The following ADAT2 variants were observed in gnomAD, a reference collection of about 807,000 sequenced individuals.
ADAT2 encodes tRNA-specific adenosine-34 deaminase catalytic subunit ADAT2.
A neutral mutation model predicts 25.9 loss-of-function variants in ADAT2; 26 were observed. The ratio of observed to expected loss-of-function variants is 1.00; its 90% CI spans 0.74 to 1.39. ADAT2 has a LOEUF of 1.39. ADAT2 is among the 40% of genes most tolerant of loss of function. The pLI is 0.00. For missense variants in ADAT2, 220 were observed against 244.8 expected (o/e 0.90, Z 0.68); for synonymous variants, 76 against 86.8 (o/e 0.88, Z 0.69).
In ADAT2 at chr6:143,434,308, T is replaced by C. The variant is rs1253591160; in HGVS notation, c.202-327A>G. ...AACAAAGAAAAAAAGATAAAGTCTA[T>C]GGTTTCTGAATATTTCAGGGGAAGC... On this transcript the variant is annotated intron_variant, in intron 2 of 5. Transcript: ENST00000237283. The surrounding 1 kb of genome is among the most constrained non-coding windows in gnomAD (Gnocchi z 4.5). Among the ~76,000 whole-genome samples the C allele has an allele frequency of 1.3e-5, 2 of 152,234 alleles. No homozygotes were observed. Among genetic ancestry groups the C allele is most frequent in the East Asian group, 3.8e-4 (2 of 5,200 alleles).
chr6:143,445,984 T>C (rs2128743851), intron 1 of ADAT2, among the ~76,000 whole-genome samples: 1 of 151,898 alleles, frequency 6.6e-6, no homozygotes, highest in African/African-American at 2.4e-5. Flanking sequence ...CACATATGTA[T>C]AGATAGTTAG....
chr6:143,423,189 G>A lies in ADAT2; in HGVS notation c.*5274C>T, dbSNP rs9390090. 82,830 of 152,084 alleles carry A rather than the reference G, an allele frequency of 0.54. 23,190 individuals are homozygous for A. Among genetic ancestry groups the A allele is most frequent in the African/African-American group, 0.63 (26,002 of 41,484 alleles). The allele number at this position is 152,084 out of a possible 1,614,324, so 9.4% of individuals were successfully genotyped here. On this transcript the variant is annotated 3_prime_UTR_variant, in exon 6 of 6. Coordinates refer to ENST00000237283, the MANE Select transcript of ADAT2 (RefSeq NM_182503.3). ...TAAATATTTTAGGCCTTTGTGAGTCGCATGGTTTGTCACCACTGCTCAACT... is the reference window on the plus strand; with the variant it reads ...TAAATATTTTAGGCCTTTGTGAGTCACATGGTTTGTCACCACTGCTCAACT...
rs1277891589 is a variant in ADAT2 at position 143,438,589 on chromosome 6, C to T, written c.201+1G>A. 21 of 1,607,726 alleles carry T rather than the reference C, an allele frequency of 1.3e-5. No homozygotes were observed. The highest frequency in any genetic ancestry group is 1.5e-5 in the Non-Finnish European group (18 of 1,174,434). ...GCAATTATACTGCTCAACTCACATA[C>T]ATTTTTGGTTTGGTTAACTTCATTT... On this transcript the variant is annotated splice_donor_variant, in intron 2 of 5. Transcript: ENST00000237283. LOFTEE classifies it high-confidence loss of function.
intron 1 of ADAT2, among the ~76,000 whole-genome samples, chr6:143,447,271 G>A (rs1400992813): frequency 6.6e-6 from 1 of 152,120 alleles, no homozygotes. Flanking sequence ...GACACATGTG[G>A]TTAGTGGCTA....
At chr6:143,433,339 T>C (rs1038443350) in intron 3 of ADAT2, among the ~76,000 whole-genome samples, 1 of 152,212 alleles carries the variant, frequency 6.6e-6, no homozygotes, top group African/African-American at 2.4e-5. Context: ...TTACTCATTT[T>C]CCATTTACAA....
At position 143,423,684 on chromosome 6, in the gene ADAT2, T is replaced by C. The variant is rs1778844999; in HGVS notation, c.*4779A>G. ...ATGGGCAGAGTGAGGGGGTCAGTGA[T>C]TAGGAAATTACTAAGAGGAGATATC... is the stretch of plus-strand genomic sequence containing the variant. On this transcript the variant is annotated 3_prime_UTR_variant, in exon 6 of 6. Coordinates refer to ENST00000237283, the MANE Select transcript of ADAT2 (RefSeq NM_182503.3). The C allele has an allele frequency of 6.6e-6, 1 of 152,162 alleles. No individual in the cohort carries two copies. Among genetic ancestry groups the C allele is most frequent in the African/African-American group, 2.4e-5 (1 of 41,416 alleles). 9.4% of individuals were successfully genotyped at this position (152,162 alleles called of 1,614,324 possible). A position where few individuals can be genotyped will look rare whatever the true frequency, so the allele number is the denominator to read the frequency against.
In ADAT2 at chr6:143,446,705, AGT is replaced by A. The variant is rs1246705550; in HGVS notation, c.96+3856_96+3857del. Among the ~76,000 whole-genome samples, 5 of 151,780 alleles carry A rather than the reference AGT, an allele frequency of 3.3e-5. No homozygotes were observed. Among genetic ancestry groups the A allele is most frequent in the Non-Finnish European group, 7.4e-5 (5 of 67,944 alleles). ...CTAACACCGAGAGGCAGGCCAGGCC[AGT>A]ATTTAACAGCAGATGACAGGCCTCA... is the stretch of plus-strand genomic sequence containing the variant. On this transcript the variant is annotated intron_variant, in intron 1 of 5. Transcript: ENST00000237283. This position sits in a 1 kb window ranked among gnomAD's most constrained non-coding sequence, Gnocchi z 5.0.
chr6:143,431,560 A>G (rs1779116690), intron 4 of ADAT2, among the ~76,000 whole-genome samples: 1 of 152,210 alleles, frequency 6.6e-6, no homozygotes, highest in South Asian at 2.1e-4. Flanking sequence ...TTCTTTTCTG[A>G]TGTAATGTTA....
In ADAT2 at chr6:143,426,131, T is replaced by C. The variant is rs1778927705; in HGVS notation, c.*2332A>G. 1 of 152,198 alleles carries C rather than the reference T, an allele frequency of 6.6e-6. No homozygotes were observed. The highest frequency in any genetic ancestry group is 2.1e-4 in the South Asian group (1 of 4,826). The allele number at this position is 152,198 out of a possible 1,614,324, so 9.4% of individuals were successfully genotyped here. On this transcript the variant is annotated 3_prime_UTR_variant, in exon 6 of 6. Transcript: ENST00000237283. This position sits in a 1 kb window ranked among gnomAD's most constrained non-coding sequence, Gnocchi z 4.1. ...TGTATCTCACCACTTTCAGAACTAT[T>C]TTGTACACAAAACAAGTCTTTCAGC...
chr6:143,432,126 C>T lies in ADAT2; in HGVS notation c.459+379G>A, dbSNP rs1206736284. On this transcript the variant is annotated intron_variant, in intron 4 of 5. Transcript: ENST00000237283. The surrounding 1 kb of genome is among the most constrained non-coding windows in gnomAD (Gnocchi z 4.4). ...TGTGTGTGCTGTAAATAGTCTCTAGCGTCACTGACACAGGCCAAGCATCAC... is the reference window on the plus strand; with the variant it reads ...TGTGTGTGCTGTAAATAGTCTCTAGTGTCACTGACACAGGCCAAGCATCAC... Among the ~76,000 whole-genome samples, 1 of 152,166 alleles carries T rather than the reference C, an allele frequency of 6.6e-6. No individual in the cohort carries two copies. Among genetic ancestry groups the T allele is most frequent in the East Asian group, 1.9e-4 (1 of 5,196 alleles).
At chr6:143,448,514 G>A (rs1307718881) in intron 1 of ADAT2, among the ~76,000 whole-genome samples, 2 of 151,834 alleles carry the variant, frequency 1.3e-5, no homozygotes, top group Admixed American at 6.6e-5. Context: ...CAAAAAAAAA[G>A]GGTTTTCTAA....
In ADAT2 at chr6:143,426,990, T is replaced by G. The variant is rs1219344943; in HGVS notation, c.*1473A>C. 1 of 152,064 alleles carries G rather than the reference T, an allele frequency of 6.6e-6. No homozygotes were observed. The highest frequency in any genetic ancestry group is 2.4e-5 in the African/African-American group (1 of 41,360). 9.4% of individuals were successfully genotyped at this position (152,064 alleles called of 1,614,324 possible). A position where few individuals can be genotyped will look rare whatever the true frequency, so the allele number is the denominator to read the frequency against. ...AACAAACTAGTAGAAGCACTAAAAT[T>G]CAATGAGAAGATAATTTTTAAAGTG... On this transcript the variant is annotated 3_prime_UTR_variant, in exon 6 of 6. Transcript: ENST00000237283. The surrounding 1 kb of genome is among the most constrained non-coding windows in gnomAD (Gnocchi z 4.1).
At chr6:143,450,346 CAAAT>C (rs2128744658) in intron 1 of ADAT2, among the ~76,000 whole-genome samples, 1 of 152,304 alleles carries the variant, frequency 6.6e-6, no homozygotes, top group East Asian at 1.9e-4. Context: ...CGCAATGAAA[CAAAT>C]AATTTGTGTA....
Position 143,432,570 on chromosome 6 carries a change from C to A in ADAT2, c.394G>T (p.Gly132Cys). Residue 132 changes from glycine (G) to cysteine (C), a missense_variant, in exon 4 of 6, where the codon GGT becomes TGT. Coordinates refer to ENST00000237283, the MANE Select transcript of ADAT2 (RefSeq NM_182503.3). This position sits in a 1 kb window ranked among gnomAD's most constrained non-coding sequence, Gnocchi z 4.4. ...VVYGCQNERF[G>C]GCGSVLNIAS... ...ATATTTAGAACAGAGCCACAACCACCAAATCGTTCATTCTGACAGCCATAT... is the reference window on the plus strand; with the variant it reads ...ATATTTAGAACAGAGCCACAACCACAAAATCGTTCATTCTGACAGCCATAT... 2 of 1,614,146 alleles carry A rather than the reference C, an allele frequency of 1.2e-6. No homozygotes were observed. Among genetic ancestry groups the A allele is most frequent in the Non-Finnish European group, 1.7e-6 (2 of 1,180,024 alleles).
chr6:143,430,042 T>G (rs9321907), intron 4 of ADAT2, among the ~76,000 whole-genome samples: 42,474 of 151,872 alleles, frequency 0.28, 6,144 homozygotes, highest in Admixed American at 0.32. Context: ...CCAAAACACT[T>G]GCCTCCTTTC....
Position 143,428,234 on chromosome 6 carries a change from C to A in ADAT2, c.*229G>T. ...TAAAACCTCAAACCTTAATTTTCCC[C>A]CATCTTAAAATGGGAATCAGCTTCT... On this transcript the variant is annotated 3_prime_UTR_variant, in exon 6 of 6. Coordinates refer to ENST00000237283, the MANE Select transcript of ADAT2 (RefSeq NM_182503.3). This position sits in a 1 kb window ranked among gnomAD's most constrained non-coding sequence, Gnocchi z 5.0. 3 of 574,714 alleles carry A rather than the reference C, an allele frequency of 5.2e-6. No homozygotes were observed. Among genetic ancestry groups the A allele is most frequent in the African/African-American group, 1.9e-5 (1 of 53,376 alleles). 35.6% of individuals were successfully genotyped at this position (574,714 alleles called of 1,614,324 possible).
chr6:143,434,435 C>T lies in ADAT2; in HGVS notation c.202-454G>A, dbSNP rs1285886119. 6.6e-6 allele frequency among the ~76,000 whole-genome samples: 1 copy of T among 152,186 alleles called. No individual in the cohort carries two copies. The highest frequency in any genetic ancestry group is 1.9e-4 in the East Asian group (1 of 5,190). The stretch of plus-strand genomic sequence containing the variant: ...CATTAAGTTCACTGGAATGTCATCT[C>T]TTACACTTTTGGGGAATGAGGTTTT... On this transcript the variant is annotated intron_variant, in intron 2 of 5. Coordinates refer to ENST00000237283, the MANE Select transcript of ADAT2 (RefSeq NM_182503.3). This position sits in a 1 kb window ranked among gnomAD's most constrained non-coding sequence, Gnocchi z 4.5.
In ADAT2 at chr6:143,426,904, G is replaced by A. The variant is rs1778948008; in HGVS notation, c.*1559C>T. On this transcript the variant is annotated 3_prime_UTR_variant, in exon 6 of 6. Coordinates refer to ENST00000237283, the MANE Select transcript of ADAT2 (RefSeq NM_182503.3). This position sits in a 1 kb window ranked among gnomAD's most constrained non-coding sequence, Gnocchi z 4.1. Reference sequence around the variant, plus strand: ...ATGATATGAACACAATAAATGCAATGAAATCTGCTTGCAGGAAAGCATAAG... The same window carrying A: ...ATGATATGAACACAATAAATGCAATAAAATCTGCTTGCAGGAAAGCATAAG... 6.6e-6 allele frequency: 1 copy of A among 152,044 alleles called. No homozygotes were observed. The highest frequency in any genetic ancestry group is 2.4e-5 in the African/African-American group (1 of 41,350). 9.4% of individuals were successfully genotyped at this position (152,044 alleles called of 1,614,324 possible).
chr6:143,450,653 C>A lies in ADAT2; in HGVS notation c.6G>T (p.Glu2Asp). M[E>D]AKAAPKPAAS... ...CAGCTGGCTTGGGTGCCGCCTTCGC[C>A]TCCATACCCAGCCACCACTCAGCTA... The change falls in exon 1 of 6, where the codon GAG (glutamate) becomes GAT (aspartate). Residue 2 changes from glutamate (E) to aspartate (D), a missense_variant. Physicochemically the swap from Glu to Asp is conservative, Grantham distance 45 (BLOSUM62 2). Coordinates refer to ENST00000237283, the MANE Select transcript of ADAT2 (RefSeq NM_182503.3). 1 of 1,613,440 alleles carries A rather than the reference C, an allele frequency of 6.2e-7. No individual in the cohort carries two copies. Among genetic ancestry groups the A allele is most frequent in the East Asian group, 2.2e-5 (1 of 44,866 alleles).
Sources: gnomAD v4.1 joint callset for allele counts (sites outside exome capture counted in the v4.1 genomes callset) on GRCh38, gnomAD v4.1.1 for gene constraint, Gnocchi (gnomAD v3.1) non-coding constraint, MANE v1.5 for transcripts, NCBI Gene and HGNC (gene_info 2026-07-23, HGNC 2026-07-21) for gene names.